The following TENM4 variants were observed in gnomAD, a reference collection of about 807,000 sequenced individuals.
TENM4 encodes teneurin transmembrane protein 4.
In TENM4, 82 loss-of-function variants were observed where a neutral mutation model predicts 243.3. That is an observed-to-expected ratio of 0.34 (90% CI 0.28 to 0.40). The LOEUF (loss-of-function observed/expected upper bound fraction) is 0.40. TENM4 is among the 10% of genes least tolerant of loss of function. The probability of loss-of-function intolerance (pLI) is 1.00; values close to 1 mark genes in which losing one functional copy is unlikely to be tolerated. For missense variants in TENM4, 3,138 were observed against 3,673.3 expected (o/e 0.85, Z 3.77); for synonymous variants, 1,412 against 1,456.3 (o/e 0.97, Z 0.69).
chr11:78,787,444 C>A (rs993235156), intron 15 of TENM4, among the ~76,000 whole-genome samples: 4 of 152,162 alleles, frequency 2.6e-5, no homozygotes, highest in Non-Finnish European at 5.9e-5. Flanking sequence ...GACCGGCATT[C>A]TGAACAGACA....
At chr11:79,131,750 G>A (rs1051237310) in intron 4 of TENM4, among the ~76,000 whole-genome samples, 7 of 152,086 alleles carry the variant, frequency 4.6e-5, no homozygotes, top group Non-Finnish European at 1.0e-4. Flanking sequence ...ATACAGAACC[G>A]CAGGGTGGAT....
intron 23 of TENM4, 99 bp from the exon 24 acceptor site, chr11:78,723,016 A>T (rs1418190094): frequency 5.3e-6 from 8 of 1,502,352 alleles, no homozygotes; most frequent in African/African-American, 2.8e-5. Context: ...GGCATGCAAG[A>T]TCTCCATCAA....
rs1565317013 is a variant in TENM4 at position 78,658,245 on chromosome 11, T to C, written c.8123A>G (p.Gln2708Arg). The C allele has an allele frequency of 1.9e-6, 3 of 1,613,738 alleles. No individual in the cohort carries two copies. Among genetic ancestry groups the C allele is most frequent in the Non-Finnish European group, 2.5e-6 (3 of 1,179,798 alleles). Reference sequence around the variant, plus strand: ...GCCTTCCTCCCCTTCCCGCAGTCTCTGCTGCTCGCGGGCCCACGCTTGGCG... The same window carrying C: ...GCCTTCCTCCCCTTCCCGCAGTCTCCGCTGCTCGCGGGCCCACGCTTGGCG... ...AVRQAWAREQ[Q>R]RLREGEEGLR... The change falls in exon 34 of 34, where the codon CAG becomes CGG. Residue 2708 changes from glutamine to arginine, a missense_variant. Physicochemically the swap from Gln to Arg is conservative, Grantham distance 43. This residue lies in a region of TENM4 where 2,467 missense variants were observed against 3,059.1 expected (regional missense o/e 0.81). Transcript: ENST00000278550.
intron 3 of TENM4, among the ~76,000 whole-genome samples, chr11:79,213,764 A>C (rs1021413581): frequency 2.6e-5 from 4 of 152,088 alleles, no homozygotes; most frequent in African/African-American, 9.7e-5. Context: ...ATGACTTTTA[A>C]ATTTTAACTT....
chr11:79,213,434 C>T (rs907936050), intron 3 of TENM4, among the ~76,000 whole-genome samples: 1 of 152,188 alleles, frequency 6.6e-6, no homozygotes, highest in Admixed American at 6.5e-5. Flanking sequence ...GTAATATACA[C>T]ACCAGGTAGA....
rs986363111 is a variant in TENM4, at chr11:79,079,969, C to T, written c.-65-9960G>A. Among the ~76,000 whole-genome samples, 36 of 136,808 alleles carry T rather than the reference C, an allele frequency of 2.6e-4. 1 individual carries two copies. Among genetic ancestry groups the T allele is most frequent in the Non-Finnish European group, 4.7e-5 (3 of 63,590 alleles). 89.8% of individuals were successfully genotyped at this position (136,808 alleles called of 152,430 possible). A position where few individuals can be genotyped will look rare whatever the true frequency, so the allele number is the denominator to read the frequency against. Reference sequence around the variant, plus strand: ...CTGAGTGGTCACACCAGCTCCAGAGCTGGGGACTTTACTACCTCAGGGGGC... The same window carrying T: ...CTGAGTGGTCACACCAGCTCCAGAGTTGGGGACTTTACTACCTCAGGGGGC... On this transcript the variant is annotated intron_variant, in intron 4 of 33. Coordinates refer to ENST00000278550, the MANE Select transcript of TENM4 (RefSeq NM_001098816.3).
At chr11:78,793,673 A>T (rs1392464416) in intron 15 of TENM4, among the ~76,000 whole-genome samples, 1 of 152,230 alleles carries the variant, frequency 6.6e-6, no homozygotes, top group African/African-American at 2.4e-5. Flanking sequence ...AATGTTCCAG[A>T]ACTGCAACTG....
intron 6 of TENM4, chr11:79,014,738 G>C (rs1858730330): frequency 6.6e-6 from 1 of 152,202 alleles, no homozygotes; most frequent in Non-Finnish European, 1.5e-5. Context: ...TATAACCACA[G>C]AGAAAGCCGG....
chr11:78,891,857 G>C (rs550263793), intron 7 of TENM4, among the ~76,000 whole-genome samples: 20 of 152,096 alleles, frequency 1.3e-4, no homozygotes, highest in African/African-American at 4.8e-4. Flanking sequence ...CATTTGGCTA[G>C]TCCAAAGAAA....
At chr11:79,353,493 T>C (rs978324847) in intron 1 of TENM4, among the ~76,000 whole-genome samples, 7 of 152,194 alleles carry the variant, frequency 4.6e-5, no homozygotes, top group African/African-American at 1.4e-4. Context: ...AGCCAGACTC[T>C]GAACTGCTTA....
intron 4 of TENM4, among the ~76,000 whole-genome samples, chr11:79,108,817 A>C (rs1415536702): frequency 6.6e-6 from 1 of 152,182 alleles, no homozygotes; most frequent in East Asian, 1.9e-4. Flanking sequence ...CCTGACCTGG[A>C]AACGGTGGAA....
intron 1 of TENM4, among the ~76,000 whole-genome samples, chr11:79,433,409 T>A (rs971188788): frequency 1.2e-4 from 18 of 152,128 alleles, no homozygotes; most frequent in Admixed American, 3.3e-4. Flanking sequence ...ACCAATTTTA[T>A]AGTGAGGAAA....
chr11:79,409,568 C>G (rs1296167761), intron 1 of TENM4, among the ~76,000 whole-genome samples: 3 of 152,150 alleles, frequency 2.0e-5, no homozygotes, highest in Admixed American at 2.0e-4. Context: ...AATAGCCCCC[C>G]CGGAACCATT....
At chr11:79,264,940 G>A (rs890934648) in intron 2 of TENM4, among the ~76,000 whole-genome samples, 4 of 152,170 alleles carry the variant, frequency 2.6e-5, no homozygotes, top group Admixed American at 6.5e-5. Context: ...GTTATCAAAG[G>A]CAAATGTCTG....
chr11:79,389,411 C>T (rs1858183962), intron 1 of TENM4, among the ~76,000 whole-genome samples: 1 of 152,206 alleles, frequency 6.6e-6, no homozygotes, highest in Non-Finnish European at 1.5e-5. Context: ...TCTGCCTTGG[C>T]CTCCCAAAAT....
chr11:79,334,899 A>T (rs376285705), intron 1 of TENM4, among the ~76,000 whole-genome samples: 1 of 152,228 alleles, frequency 6.6e-6, no homozygotes, highest in African/African-American at 2.4e-5. Flanking sequence ...TGATGTCACC[A>T]ACTTCCCATG....
At chr11:78,791,971 T>C (rs903831591) in intron 15 of TENM4, among the ~76,000 whole-genome samples, 1 of 152,076 alleles carries the variant, frequency 6.6e-6, no homozygotes, top group African/African-American at 2.4e-5. Context: ...GAGACTTGAG[T>C]TCAGATTCTG....
intron 2 of TENM4, among the ~76,000 whole-genome samples, chr11:79,219,580 G>T (rs1463712937): frequency 2.0e-5 from 3 of 152,158 alleles, no homozygotes; most frequent in Non-Finnish European, 4.4e-5. Context: ...GGTGAAGAAA[G>T]GAGACTCTGG....
At chr11:79,060,190 G>T (rs1024605724) in intron 6 of TENM4, among the ~76,000 whole-genome samples, 19 of 152,236 alleles carry the variant, frequency 1.2e-4, no homozygotes, top group African/African-American at 4.3e-4. Flanking sequence ...GCTTCTCACT[G>T]CCTCCCGACC....
Sources: allele counts gnomAD v4.1 joint callset (sites outside exome capture counted in the v4.1 genomes callset), GRCh38; gene constraint gnomAD v4.1.1; regional missense constraint gnomAD v4.1.1; transcripts MANE v1.5; gene names NCBI Gene and HGNC (gene_info 2026-07-23, HGNC 2026-07-21).